MSRA: variants seen among roughly 807,000 people sequenced by gnomAD.
MSRA encodes mitochondrial peptide methionine sulfoxide reductase.
MSRA carries 54 observed loss-of-function variants against 31.3 expected under a neutral mutation model. The ratio of observed to expected loss-of-function variants is 1.73; its 90% CI spans 1.39 to 2.17. MSRA has a LOEUF of 2.17. MSRA is among the 30% of genes most tolerant of loss of function. The pLI, the probability that MSRA is intolerant of heterozygous loss-of-function variation, is 0.00. For missense variants in MSRA, 507 were observed against 300.9 expected (o/e 1.69, Z -5.07); for synonymous variants, 169 against 116.5 (o/e 1.45, Z -2.90).
chr8:10,275,862 C>T (rs544764952), intron 3 of MSRA, among the ~76,000 whole-genome samples: 23 of 152,320 alleles, frequency 1.5e-4, no homozygotes, highest in South Asian at 8.3e-4. Context: ...TTGGAAATGA[C>T]GCCTCTTGAC....
intron 3 of MSRA, among the ~76,000 whole-genome samples, chr8:10,262,048 C>T (rs1271608321): frequency 6.6e-6 from 1 of 152,158 alleles, no homozygotes; most frequent in Non-Finnish European, 1.5e-5. Context: ...CTTTCTGGGG[C>T]TTGATGGCTT....
At chr8:10,230,653 C>A (rs965120392) in intron 2 of MSRA, among the ~76,000 whole-genome samples, 1 of 152,176 alleles carries the variant, frequency 6.6e-6, no homozygotes, top group Admixed American at 6.5e-5. Context: ...AGTTGGAATA[C>A]ATACTTCTTA....
Position 10,427,929 on chromosome 8 carries a change from A to G in MSRA, c.544-219A>G, listed in dbSNP as rs529326255. 2.0e-5 allele frequency among the ~76,000 whole-genome samples: 3 copies of G among 152,210 alleles called. No homozygotes were observed. The South Asian group carries it at 6.2e-4, about 32-fold the overall frequency. ...TAAGTTACTGATTTAAAAATCTGAT[A>G]TAAACCTGATTTCAGTTCCCAGTCA... On this transcript the variant is annotated intron_variant, in intron 5 of 5. Transcript: ENST00000317173.
intron 5 of MSRA, among the ~76,000 whole-genome samples, chr8:10,377,298 C>T (rs368168169): frequency 6.6e-6 from 1 of 152,246 alleles, no homozygotes; most frequent in African/African-American, 2.4e-5. Context: ...GGCCTGAAGC[C>T]CCTTTAAGGG....
chr8:10,256,455 A>G (rs913359438), intron 3 of MSRA, among the ~76,000 whole-genome samples: 21 of 152,220 alleles, frequency 1.4e-4, no homozygotes, highest in Admixed American at 1.2e-3. Flanking sequence ...TTAAACGTTC[A>G]GTAGAGATTA....
At chr8:10,148,260 T>G (rs993670875) in intron 1 of MSRA, among the ~76,000 whole-genome samples, 1 of 152,152 alleles carries the variant, frequency 6.6e-6, no homozygotes, top group African/African-American at 2.4e-5. Context: ...TCCCTTCATA[T>G]AATGCACCCT....
intron 3 of MSRA, among the ~76,000 whole-genome samples, chr8:10,246,776 G>A (rs1457572690): frequency 3.3e-5 from 5 of 152,272 alleles, no homozygotes; most frequent in East Asian, 3.9e-4. Flanking sequence ...ATTCTGATTC[G>A]TATGGAGAAT....
intron 4 of MSRA, among the ~76,000 whole-genome samples, chr8:10,315,562 A>G (rs1801664662): frequency 6.6e-6 from 1 of 152,240 alleles, no homozygotes; most frequent in Non-Finnish European, 1.5e-5. Flanking sequence ...AAATCTGGAA[A>G]CTACAAAGGT....
chr8:10,083,280 C>G (rs887875109), intron 1 of MSRA, among the ~76,000 whole-genome samples: 2 of 152,158 alleles, frequency 1.3e-5, no homozygotes, highest in African/African-American at 2.4e-5. Context: ...CTAAAACTCA[C>G]TTTAGATTTG....
At chr8:10,168,376 C>T (rs1323297052) in intron 1 of MSRA, among the ~76,000 whole-genome samples, 4 of 152,144 alleles carry the variant, frequency 2.6e-5, no homozygotes, top group African/African-American at 7.2e-5. Context: ...GTGCTATCAT[C>T]CCTGGCCAAC....
chr8:10,190,205 A>G (rs2129053192), intron 1 of MSRA, among the ~76,000 whole-genome samples: 1 of 152,236 alleles, frequency 6.6e-6, no homozygotes, highest in Middle Eastern at 3.4e-3. Flanking sequence ...TTTTGTGGGC[A>G]TGAGGACCTT....
At chr8:10,147,853 C>T (rs1036780619) in intron 1 of MSRA, among the ~76,000 whole-genome samples, 3 of 152,220 alleles carry the variant, frequency 2.0e-5, no homozygotes, top group Non-Finnish European at 4.4e-5. Context: ...GTTCACCGCC[C>T]TTCGACTCTG....
At chr8:10,231,330 C>T (rs1811456085) in intron 2 of MSRA, among the ~76,000 whole-genome samples, 1 of 152,266 alleles carries the variant, frequency 6.6e-6, no homozygotes, top group Non-Finnish European at 1.5e-5. Context: ...AAGAGGGAAG[C>T]ACAGAGGGGA....
At chr8:10,121,294 G>T (rs570505527) in intron 1 of MSRA, among the ~76,000 whole-genome samples, 6 of 152,182 alleles carry the variant, frequency 3.9e-5, no homozygotes, top group Non-Finnish European at 8.8e-5. Context: ...CAGGGGAACG[G>T]GAGGTTGCTG....
chr8:10,320,990 T>C (rs1193608040), intron 5 of MSRA, among the ~76,000 whole-genome samples: 1 of 152,216 alleles, frequency 6.6e-6, no homozygotes, highest in African/African-American at 2.4e-5. Context: ...GTTTTAGGAC[T>C]CCAACATATC....
chr8:10,075,731 C>T (rs556440807), intron 1 of MSRA, among the ~76,000 whole-genome samples: 2 of 152,322 alleles, frequency 1.3e-5, no homozygotes, highest in African/African-American at 4.8e-5. Flanking sequence ...TAAGGTGGTT[C>T]TCAGTCCCGG....
chr8:10,277,234 T>TA (rs1391010941), intron 3 of MSRA, among the ~76,000 whole-genome samples: 2 of 152,212 alleles, frequency 1.3e-5, no homozygotes, highest in African/African-American at 2.4e-5. Flanking sequence ...TTTTTCTCCT[T>TA]ACAATAATTT....
chr8:10,220,791 T>G (rs1810422669), intron 2 of MSRA, among the ~76,000 whole-genome samples: 1 of 152,194 alleles, frequency 6.6e-6, no homozygotes, highest in Non-Finnish European at 1.5e-5. Flanking sequence ...CATATGACCT[T>G]TGTCAGGGTG....
chr8:10,167,181 G>A lies in MSRA; in HGVS notation c.143-40652G>A, dbSNP rs762110204. Among the ~76,000 whole-genome samples, 6 of 152,158 alleles carry A rather than the reference G, an allele frequency of 3.9e-5. No individual in the cohort carries two copies. The East Asian group carries it at 1.2e-3, about 29-fold the overall frequency. On this transcript the variant is annotated intron_variant, in intron 1 of 5. Coordinates refer to ENST00000317173, the MANE Select transcript of MSRA (RefSeq NM_012331.5). ...TAAAATGTTTTGTCTGGAAACAAGT[G>A]AGCTTGACTAACGTGGCCGGGCTCC...
Sources: gnomAD v4.1 joint callset for allele counts (sites outside exome capture counted in the v4.1 genomes callset) on GRCh38, gnomAD v4.1.1 for gene constraint, MANE v1.5 for transcripts, NCBI Gene and HGNC (gene_info 2026-07-23, HGNC 2026-07-21) for gene names.